NELL1: variants seen among roughly 807,000 people sequenced by gnomAD.
NELL1 encodes the protein neural EGFL like 1.
In NELL1, 76 loss-of-function variants were observed where a neutral mutation model predicts 107.4. The observed-to-expected ratio is 0.71, with a 90% CI of 0.59 to 0.86. The LOEUF is 0.86. Among genes scored for constraint, NELL1 ranks in the 40% least tolerant of loss-of-function variants. The pLI is 0.00. For missense variants in NELL1, 1,024 were observed against 1,005.5 expected, an observed-to-expected ratio of 1.02 and a Z score of -0.25; for synonymous variants, 353 against 341.2, an observed-to-expected ratio of 1.03 and a Z score of -0.38.
chr11:21,151,614 T>A (rs1183815620), intron 13 of NELL1, among the ~76,000 whole-genome samples: 1 of 152,216 alleles, frequency 6.6e-6, no homozygotes, highest in African/African-American at 2.4e-5. Flanking sequence ...TTAGTGTTTC[T>A]GCCTCATGTG....
chr11:20,737,657 A>G (rs1270530650), intron 2 of NELL1, among the ~76,000 whole-genome samples: 2 of 152,118 alleles, frequency 1.3e-5, no homozygotes, highest in Non-Finnish European at 2.9e-5. Context: ...TGTCAGCCAT[A>G]GTTAGCATTA....
chr11:21,267,509 G>A (rs1179585863), intron 14 of NELL1, among the ~76,000 whole-genome samples: 1 of 151,924 alleles, frequency 6.6e-6, no homozygotes, highest in Non-Finnish European at 1.5e-5. Context: ...ATGCTTTTGC[G>A]AGTATGATCT....
intron 13 of NELL1, among the ~76,000 whole-genome samples, chr11:21,211,345 G>A (rs983335822): frequency 1.3e-5 from 2 of 152,110 alleles, no homozygotes; most frequent in African/African-American, 2.4e-5. Context: ...TTTGAGGCAG[G>A]AGACAAAGCC....
intron 12 of NELL1, among the ~76,000 whole-genome samples, chr11:21,021,792 C>A (rs984121430): frequency 2.0e-5 from 3 of 152,042 alleles, no homozygotes; most frequent in Non-Finnish European, 4.4e-5. Context: ...ATTTCATTAG[C>A]TTCATGTTTG....
intron 2 of NELL1, among the ~76,000 whole-genome samples, chr11:20,717,182 T>C (rs1242225592): frequency 1.7e-4 from 26 of 152,196 alleles, no homozygotes; most frequent in Non-Finnish European, 1.3e-4. Flanking sequence ...ATCCAACAAC[T>C]CATTAGTCCA....
At chr11:21,535,688 A>G (rs1322375777) in intron 16 of NELL1, among the ~76,000 whole-genome samples, 2 of 152,146 alleles carry the variant, frequency 1.3e-5, no homozygotes, top group African/African-American at 2.4e-5. Flanking sequence ...TCCAGTCTGT[A>G]TTTCAGCTAT....
Position 21,122,096 on chromosome 11 carries a change from T to C in NELL1, c.1426+8382T>C, listed in dbSNP as rs116285707. 3.1e-3 allele frequency among the ~76,000 whole-genome samples: 465 copies of C among 152,296 alleles called. 4 individuals carry two copies. The highest frequency in any genetic ancestry group is 0.011 in the African/African-American group (444 of 41,554). On this transcript the variant is annotated intron_variant, in intron 13 of 19. Coordinates refer to ENST00000357134, the MANE Select transcript of NELL1 (RefSeq NM_006157.5). Reference sequence around the variant, plus strand: ...GGGAGTTCCTTTTTATTCCTACATGTGTTATAAAGGACCTGAACCACTTTG... The same window carrying C: ...GGGAGTTCCTTTTTATTCCTACATGCGTTATAAAGGACCTGAACCACTTTG...
chr11:21,469,782 C>A (rs1854126784), intron 15 of NELL1, among the ~76,000 whole-genome samples: 1 of 152,056 alleles, frequency 6.6e-6, no homozygotes, highest in South Asian at 2.1e-4. Flanking sequence ...GCAAGGGATG[C>A]TATGGAGTCG....
chr11:20,980,622 C>T (rs187527136), intron 12 of NELL1, among the ~76,000 whole-genome samples: 42 of 152,296 alleles, frequency 2.8e-4, no homozygotes, highest in African/African-American at 9.9e-4. Context: ...AAGTTCTATA[C>T]AGTTCTGAAT....
At chr11:21,553,157 G>A (rs1220096319) in intron 16 of NELL1, among the ~76,000 whole-genome samples, 1 of 151,804 alleles carries the variant, frequency 6.6e-6, no homozygotes, top group African/African-American at 2.4e-5. Context: ...GCACAGAAGA[G>A]AGAAGAAATA....
intron 7 of NELL1, among the ~76,000 whole-genome samples, chr11:20,924,911 C>T (rs1489439540): frequency 6.6e-6 from 1 of 152,110 alleles, no homozygotes; most frequent in Non-Finnish European, 1.5e-5. Context: ...CAACAATACT[C>T]AGAAAAAAAT....
chr11:21,522,758 C>A (rs117746803), intron 15 of NELL1, among the ~76,000 whole-genome samples: 1,560 of 151,894 alleles, frequency 0.01, 37 homozygotes, highest in East Asian at 0.073. Context: ...ATCTTCTTGG[C>A]CAATTCATTC....
chr11:20,989,623 A>T (rs1305177583), intron 12 of NELL1, among the ~76,000 whole-genome samples: 1 of 152,176 alleles, frequency 6.6e-6, no homozygotes. Context: ...ATTTTTCTTC[A>T]ATAACTGCCC....
intron 15 of NELL1, among the ~76,000 whole-genome samples, chr11:21,431,931 T>C (rs1379859897): frequency 6.6e-6 from 1 of 152,190 alleles, no homozygotes; most frequent in Non-Finnish European, 1.5e-5. Flanking sequence ...GGATGTGTGA[T>C]TCAGGGCTAT....
intron 12 of NELL1, among the ~76,000 whole-genome samples, chr11:20,991,757 G>A (rs957004461): frequency 3.3e-5 from 5 of 152,176 alleles, no homozygotes; most frequent in South Asian, 2.1e-4. Context: ...CTCTGGGAAC[G>A]ATACTCGCTA....
intron 4 of NELL1, among the ~76,000 whole-genome samples, chr11:20,854,711 A>T (rs1848849252): frequency 6.6e-6 from 1 of 151,486 alleles, no homozygotes; most frequent in Non-Finnish European, 1.5e-5. Flanking sequence ...GACAGTGGAC[A>T]GCCTGTGTGG....
chr11:20,786,819 T>C (rs1356621102), intron 3 of NELL1, among the ~76,000 whole-genome samples: 3 of 151,596 alleles, frequency 2.0e-5, no homozygotes, highest in Non-Finnish European at 4.4e-5. Flanking sequence ...CCATCCTGGC[T>C]AACACGGTGA....
intron 13 of NELL1, among the ~76,000 whole-genome samples, chr11:21,144,543 C>A (rs1296086452): frequency 6.6e-6 from 1 of 152,116 alleles, no homozygotes; most frequent in Non-Finnish European, 1.5e-5. Context: ...TTAGCAGGAG[C>A]ACCCTATCTT....
At chr11:21,031,759 T>A (rs1852961757) in intron 12 of NELL1, among the ~76,000 whole-genome samples, 1 of 151,922 alleles carries the variant, frequency 6.6e-6, no homozygotes, top group South Asian at 2.1e-4. Context: ...ATACAAAAAA[T>A]AAAATTGGGC....
Sources: gnomAD v4.1 joint callset for allele counts (sites outside exome capture counted in the v4.1 genomes callset) on GRCh38, gnomAD v4.1.1 for gene constraint, MANE v1.5 for transcripts, NCBI Gene and HGNC (gene_info 2026-07-23, HGNC 2026-07-21) for gene names.